Variants in HS6ST2 observed in about 807,000 individuals in gnomAD.
The protein encoded by HS6ST2 is heparan-sulfate 6-O-sulfotransferase 2.
A neutral mutation model predicts 33.0 loss-of-function variants in HS6ST2; 17 were observed. That is an observed-to-expected ratio of 0.52 (90% CI 0.35 to 0.77). The LOEUF (loss-of-function observed/expected upper bound fraction) is 0.77, where lower values mean the gene tolerates loss of function less well. Ranked by LOEUF, HS6ST2 falls within the 30% of genes least tolerant of loss-of-function variation. The pLI, the probability that HS6ST2 is intolerant of heterozygous loss-of-function variation, is 0.01. For missense variants in HS6ST2, 519 were observed against 551.7 expected (o/e 0.94, Z 0.59); for synonymous variants, 248 against 237.1 (o/e 1.05, Z -0.42).
chrX:132,726,098 ATC>A (rs1417980643), intron 2 of HS6ST2, among the ~76,000 whole-genome samples: 4 of 111,363 alleles, frequency 3.6e-5, no homozygotes, highest in African/African-American at 1.3e-4. Context: ...AGTATTTGAT[ATC>A]TCAACAACAC....
chrX:132,861,698 G>C (rs777751188), intron 2 of HS6ST2, among the ~76,000 whole-genome samples: 9 of 112,215 alleles, frequency 8.0e-5, no homozygotes, highest in African/African-American at 2.9e-4. Context: ...TCAATCACTA[G>C]TTATATTCCC....
intron 2 of HS6ST2, among the ~76,000 whole-genome samples, chrX:132,869,190 T>A (rs752700545): frequency 1.8e-5 from 2 of 111,214 alleles, no homozygotes; most frequent in African/African-American, 6.5e-5. Flanking sequence ...AAGAAATGGG[T>A]AAATTCCTGG....
intron 2 of HS6ST2, among the ~76,000 whole-genome samples, chrX:132,792,485 A>C (rs981970447): frequency 4.4e-5 from 5 of 112,468 alleles, no homozygotes; most frequent in Admixed American, 9.4e-5. Context: ...ACTTTTATTT[A>C]TATAACAGCT....
At chrX:132,665,946 C>T (rs184856426) in intron 4 of HS6ST2, among the ~76,000 whole-genome samples, 74 of 111,519 alleles carry the variant, frequency 6.6e-4, no homozygotes, top group African/African-American at 2.3e-3. Flanking sequence ...CCAGAACTGA[C>T]GCAACATTCA....
At chrX:132,919,872 T>G (rs1162717883) in intron 2 of HS6ST2, among the ~76,000 whole-genome samples, 2 of 112,264 alleles carry the variant, frequency 1.8e-5, no homozygotes, top group East Asian at 5.6e-4. Flanking sequence ...ATTTACCCTT[T>G]AAGATTTCAT....
chrX:132,639,199 T>C (rs921769529), intron 4 of HS6ST2, among the ~76,000 whole-genome samples: 3 of 112,167 alleles, frequency 2.7e-5, no homozygotes, highest in Non-Finnish European at 5.6e-5. Context: ...CACTCTCCTT[T>C]TTCCCAAAGC....
chrX:132,772,492 A>T (rs2064909833), intron 2 of HS6ST2, among the ~76,000 whole-genome samples: 2 of 107,109 alleles, frequency 1.9e-5, no homozygotes, highest in Admixed American at 1.1e-4. Flanking sequence ...CACACTTGTT[A>T]ATATATATAT....
At chrX:132,926,684 A>C (rs904612171) in intron 2 of HS6ST2, among the ~76,000 whole-genome samples, 15 of 112,230 alleles carry the variant, frequency 1.3e-4, no homozygotes, top group Non-Finnish European at 2.1e-4. Flanking sequence ...GCACTTTGGG[A>C]GGCCAAGGCG....
chrX:132,946,364 A>G (rs192560279), intron 2 of HS6ST2, among the ~76,000 whole-genome samples: 204 of 112,258 alleles, frequency 1.8e-3, no homozygotes, highest in Non-Finnish European at 3.3e-3. Flanking sequence ...TCTTGGAACC[A>G]ACCCAAATGT....
At position 132,938,135 on chromosome X, in the gene HS6ST2, C is replaced by T. The variant is rs773587662; in HGVS notation, c.947+18673G>A. The stretch of plus-strand genomic sequence containing the variant: ...CATGATCATGCCACTGCACTCCACC[C>T]TGGGCAACAAAGGGAAACCCTGTCT... On this transcript the variant is annotated intron_variant, in intron 2 of 4. Transcript: ENST00000370833. Among the ~76,000 whole-genome samples the T allele has an allele frequency of 2.1e-4, 22 of 105,299 alleles. No individual in the cohort carries two copies. The East Asian group carries it at 4.5e-3, about 21-fold the overall frequency. The allele number at this position is 105,299 out of a possible 115,157, so 91.4% of individuals were successfully genotyped here.
chrX:132,896,279 G>T (rs755312098), intron 2 of HS6ST2, among the ~76,000 whole-genome samples: 5 of 110,769 alleles, frequency 4.5e-5, no homozygotes, highest in Non-Finnish European at 9.4e-5. Flanking sequence ...GACCATCCTG[G>T]CTAACACGGT....
chrX:132,891,847 T>G (rs187212606), intron 2 of HS6ST2, among the ~76,000 whole-genome samples: 215 of 111,593 alleles, frequency 1.9e-3, no homozygotes, highest in Non-Finnish European at 3.0e-3. Context: ...AACAAACATA[T>G]GTGTGCATGT....
intron 2 of HS6ST2, among the ~76,000 whole-genome samples, chrX:132,864,869 G>C (rs760666425): frequency 9.0e-6 from 1 of 111,479 alleles, no homozygotes; most frequent in Non-Finnish European, 1.9e-5. Flanking sequence ...GAAAGGTCGC[G>C]TTACCCATCA....
chrX:132,888,548 A>T (rs759712057), intron 2 of HS6ST2, among the ~76,000 whole-genome samples: 1 of 112,137 alleles, frequency 8.9e-6, no homozygotes, highest in South Asian at 3.8e-4. Context: ...ACAGTTGCCC[A>T]GGCTGGAGTG....
chrX:132,661,364 G>C (rs1602552260), intron 4 of HS6ST2, among the ~76,000 whole-genome samples: 2 of 106,928 alleles, frequency 1.9e-5, no homozygotes, highest in African/African-American at 6.8e-5. Context: ...CAGAATACAA[G>C]ATTAATCTAC....
intron 2 of HS6ST2, among the ~76,000 whole-genome samples, chrX:132,913,969 C>T (rs955438100): frequency 1.8e-5 from 2 of 111,517 alleles, no homozygotes; most frequent in African/African-American, 6.5e-5. Context: ...TTAACCAGCC[C>T]CTCTCCCCCT....
chrX:132,678,984 G>T (rs918591773), intron 3 of HS6ST2, among the ~76,000 whole-genome samples: 2 of 112,162 alleles, frequency 1.8e-5, no homozygotes, highest in Non-Finnish European at 3.8e-5. Context: ...ACAAGGGAAA[G>T]ACGCCTAGAA....
intron 2 of HS6ST2, among the ~76,000 whole-genome samples, chrX:132,831,298 C>T (rs1231240617): frequency 9.0e-6 from 1 of 111,032 alleles, no homozygotes; most frequent in Non-Finnish European, 1.9e-5. Flanking sequence ...TTCCACTAAC[C>T]AACTTTGTAG....
intron 2 of HS6ST2, among the ~76,000 whole-genome samples, chrX:132,819,560 C>T (rs1008558873): frequency 5.4e-5 from 6 of 111,483 alleles, no homozygotes; most frequent in Admixed American, 9.5e-5. Flanking sequence ...AGAGTATGAC[C>T]CATGCTTCCT....
Sources: gnomAD v4.1 joint callset for allele counts (sites outside exome capture counted in the v4.1 genomes callset) on GRCh38, gnomAD v4.1.1 for gene constraint, MANE v1.5 for transcripts, NCBI Gene and HGNC (gene_info 2026-07-23, HGNC 2026-07-21) for gene names.